STAG1: variants seen among roughly 807,000 people sequenced by gnomAD.
The protein encoded by STAG1 is cohesin subunit SA-1.
A neutral mutation model predicts 170.9 loss-of-function variants in STAG1; 26 were observed. That is an observed-to-expected ratio of 0.15 (90% CI 0.11 to 0.21). STAG1 has a LOEUF of 0.21. STAG1 is among the 10% of genes least tolerant of loss of function. The probability of loss-of-function intolerance (pLI) is 1.00; values close to 1 mark genes in which losing one functional copy is unlikely to be tolerated. For missense variants in STAG1, 964 were observed against 1,509.5 expected, an observed-to-expected ratio of 0.64 and a Z score of 5.99; for synonymous variants, 514 against 497.7, an observed-to-expected ratio of 1.03 and a Z score of -0.44.
chr3:136,516,217 A>G (rs966782132), intron 7 of STAG1, among the ~76,000 whole-genome samples: 2 of 152,244 alleles, frequency 1.3e-5, no homozygotes, highest in Admixed American at 6.5e-5. Context: ...GAGCCAAAAG[A>G]TAAGTAAAAT....
chr3:136,401,126 T>C (rs1361004863), intron 21 of STAG1, among the ~76,000 whole-genome samples: 6 of 151,352 alleles, frequency 4.0e-5, no homozygotes, highest in African/African-American at 1.4e-4. Context: ...AAAAAGGAAA[T>C]AACATCTTGA....
chr3:136,493,255 A>G lies in STAG1; in HGVS notation c.902+6968T>C, dbSNP rs573131747. The stretch of plus-strand genomic sequence containing the variant: ...CTACTCAGGAGGCTGAGGTGGGAAG[A>G]TCACCTGAGCCCAGGATGTTGAGGC... On this transcript the variant is annotated intron_variant, in intron 9 of 33. Coordinates refer to ENST00000383202, the MANE Select transcript of STAG1 (RefSeq NM_005862.3). Among the ~76,000 whole-genome samples, 298 of 152,264 alleles carry G rather than the reference A, an allele frequency of 2.0e-3. 2 individuals are homozygous for G. Among genetic ancestry groups the G allele is most frequent in the Middle Eastern group, 0.01 (3 of 294 alleles).
At chr3:136,414,458 A>T (rs1346956101) in intron 21 of STAG1, among the ~76,000 whole-genome samples, 1 of 152,216 alleles carries the variant, frequency 6.6e-6, no homozygotes, top group Non-Finnish European at 1.5e-5. Flanking sequence ...AGATAGCAGC[A>T]ACTCAGGCAA....
intron 9 of STAG1, among the ~76,000 whole-genome samples, chr3:136,485,564 C>CAGACA (rs2089992156): frequency 2.0e-5 from 3 of 152,088 alleles, no homozygotes; most frequent in Non-Finnish European, 2.9e-5. Flanking sequence ...CAAAAAATTT[C>CAGACA]AGACATAAAA....
intron 9 of STAG1, among the ~76,000 whole-genome samples, chr3:136,479,217 T>C: frequency 7.9e-6 from 1 of 127,194 alleles, no homozygotes. Context: ...CCCAATGCTA[T>C]CCCTCCCCCC....
intron 4 of STAG1, among the ~76,000 whole-genome samples, chr3:136,597,424 C>G (rs996179310): frequency 6.6e-6 from 1 of 152,182 alleles, no homozygotes; most frequent in Non-Finnish European, 1.5e-5. Flanking sequence ...GATCTGTACT[C>G]CCACTAGTTG....
intron 1 of STAG1, among the ~76,000 whole-genome samples, chr3:136,679,838 G>T (rs759270792): frequency 2.0e-5 from 3 of 151,778 alleles, no homozygotes; most frequent in Admixed American, 1.3e-4. Context: ...GGAGGCGGAG[G>T]TTGCAGTGAC....
chr3:136,478,999 A>G (rs1243748658), intron 9 of STAG1, among the ~76,000 whole-genome samples: 1 of 151,598 alleles, frequency 6.6e-6, no homozygotes, highest in East Asian at 1.9e-4. Flanking sequence ...CAAATAGAAG[A>G]CTTAGAATTC....
chr3:136,604,782 C>T (rs1938855743), intron 3 of STAG1, among the ~76,000 whole-genome samples: 1 of 152,102 alleles, frequency 6.6e-6, no homozygotes, highest in Admixed American at 6.6e-5. Context: ...TCCCGAGTAG[C>T]TGAGATTACA....
At chr3:136,463,768 T>TGTGTGTGTGTGTAC (rs755853025) in intron 13 of STAG1, among the ~76,000 whole-genome samples, 15 of 38,590 alleles carry the variant, frequency 3.9e-4, no homozygotes, top group African/African-American at 2.3e-3. Context: ...TGTGTGTGTG[T>TGTGTGTGTGTGTAC]ATACACACAC....
chr3:136,494,175 G>A (rs926342194), intron 9 of STAG1, among the ~76,000 whole-genome samples: 8 of 152,184 alleles, frequency 5.3e-5, no homozygotes, highest in Admixed American at 5.2e-4. Context: ...GGGAGCTGAG[G>A]CAGGAGGACT....
intron 10 of STAG1, among the ~76,000 whole-genome samples, chr3:136,475,254 C>T (rs549012260): frequency 3.5e-5 from 5 of 143,674 alleles, no homozygotes; most frequent in African/African-American, 1.3e-4. Context: ...TCAAGTGATT[C>T]TCTTGTCTCA....
intron 1 of STAG1, among the ~76,000 whole-genome samples, chr3:136,704,110 G>A (rs577293949): frequency 6.7e-6 from 1 of 150,060 alleles, no homozygotes; most frequent in East Asian, 2.0e-4. Flanking sequence ...GAGTGCAGTG[G>A]TGCGATCTCG....
At chr3:136,525,179 C>A (rs1440131407) in intron 6 of STAG1, among the ~76,000 whole-genome samples, 2 of 152,120 alleles carry the variant, frequency 1.3e-5, no homozygotes, top group Non-Finnish European at 2.9e-5. Context: ...GGTACCAGCT[C>A]CTCTTTGTAC....
intron 6 of STAG1, among the ~76,000 whole-genome samples, 170 bp from the exon 7 acceptor site, chr3:136,521,587 G>A (rs1018559844): frequency 6.6e-6 from 1 of 151,878 alleles, no homozygotes; most frequent in Non-Finnish European, 1.5e-5. Context: ...ATTTTGATCT[G>A]CCACAACTAA....
intron 13 of STAG1, among the ~76,000 whole-genome samples, chr3:136,463,360 G>C (rs373334755): frequency 1.3e-5 from 2 of 152,106 alleles, no homozygotes; most frequent in Non-Finnish European, 2.9e-5. Flanking sequence ...AGAGGACCAG[G>C]CCTGCTCATT....
intron 16 of STAG1, among the ~76,000 whole-genome samples, chr3:136,426,739 G>A (rs188050677): frequency 2.0e-5 from 3 of 152,066 alleles, no homozygotes; most frequent in African/African-American, 7.2e-5. Flanking sequence ...AGGAGTTCAA[G>A]AGCAGTTTGG....
At position 136,645,934 on chromosome 3, in the gene STAG1, T is replaced by C. The variant is rs548450020; in HGVS notation, c.-83-14953A>G. ...ATATGTCCCACAACCATAGGCAATGTCCACTGCAAACCCAAGTCTCAGGAT... is the reference window on the plus strand; with the variant it reads ...ATATGTCCCACAACCATAGGCAATGCCCACTGCAAACCCAAGTCTCAGGAT... On this transcript the variant is annotated intron_variant, in intron 1 of 33. Coordinates refer to ENST00000383202, the MANE Select transcript of STAG1 (RefSeq NM_005862.3). 2.6e-5 allele frequency among the ~76,000 whole-genome samples: 4 copies of C among 152,318 alleles called. No homozygotes were observed. In the East Asian group the frequency reaches 7.7e-4, roughly 29 times the overall value.
At chr3:136,559,151 A>ATCTATCTATCTATCTATCTG (rs1553745541) in intron 5 of STAG1, among the ~76,000 whole-genome samples, 1 of 152,012 alleles carries the variant, frequency 6.6e-6, no homozygotes, top group Admixed American at 6.6e-5. Context: ...CTATCTATCT[A>ATCTATCTATCTATCTATCTG]TCTATCTATC....
Sources: gnomAD v4.1 joint callset for allele counts (sites outside exome capture counted in the v4.1 genomes callset) on GRCh38, gnomAD v4.1.1 for gene constraint, MANE v1.5 for transcripts, NCBI Gene and HGNC (gene_info 2026-07-23, HGNC 2026-07-21) for gene names.